The following ARHGAP15 variants were observed in gnomAD, a reference collection of about 807,000 sequenced individuals.
The protein encoded by ARHGAP15 is Rho GTPase activating protein 15, also known as rho GTPase-activating protein 15.
Under a neutral mutation model 63.7 loss-of-function variants are expected in ARHGAP15, and 51 were observed. The ratio of observed to expected loss-of-function variants is 0.80; its 90% CI spans 0.64 to 1.01. The LOEUF (loss-of-function observed/expected upper bound fraction) is 1.01. Ranked by LOEUF, ARHGAP15 falls within the 50% of genes least tolerant of loss-of-function variation. ARHGAP15 has a pLI of 0.00. For missense variants in ARHGAP15, 560 were observed against 564.6 expected (o/e 0.99, Z 0.08); for synonymous variants, 191 against 193.8 (o/e 0.99, Z 0.12).
At chr2:143,258,484 T>C (rs911023509) in intron 6 of ARHGAP15, among the ~76,000 whole-genome samples, 1 of 152,146 alleles carries the variant, frequency 6.6e-6, no homozygotes, top group Non-Finnish European at 1.5e-5. Context: ...ATGGCATCTA[T>C]GCATAGAGTC....
intron 6 of ARHGAP15, among the ~76,000 whole-genome samples, chr2:143,373,117 T>G (rs1686635737): frequency 6.6e-6 from 1 of 152,206 alleles, no homozygotes; most frequent in African/African-American, 2.4e-5. Context: ...CCTTTTATAT[T>G]GGACAACTTT....
chr2:143,715,052 G>C (rs1226951587), intron 13 of ARHGAP15, among the ~76,000 whole-genome samples: 1 of 152,026 alleles, frequency 6.6e-6, no homozygotes. Context: ...CCATTTTCAA[G>C]CTGCTGATAA....
intron 1 of ARHGAP15, among the ~76,000 whole-genome samples, chr2:143,153,734 T>C (rs1484239176): frequency 2.6e-5 from 4 of 151,910 alleles, no homozygotes; most frequent in Non-Finnish European, 5.9e-5. Context: ...CATACCTTAG[T>C]TGGCATTTTT....
At chr2:143,389,765 G>T (rs528947276) in intron 6 of ARHGAP15, among the ~76,000 whole-genome samples, 1 of 152,220 alleles carries the variant, frequency 6.6e-6, no homozygotes, top group South Asian at 2.1e-4. Context: ...GTCAGTAGTT[G>T]ATATTTTTTT....
At chr2:143,595,683 A>G (rs1370607119) in intron 11 of ARHGAP15, among the ~76,000 whole-genome samples, 3 of 152,088 alleles carry the variant, frequency 2.0e-5, no homozygotes, top group Non-Finnish European at 2.9e-5. Flanking sequence ...CCTGCATGAG[A>G]TTGTGATGGA....
chr2:143,597,371 C>G (rs1005027319), intron 11 of ARHGAP15, among the ~76,000 whole-genome samples: 3 of 152,034 alleles, frequency 2.0e-5, no homozygotes, highest in African/African-American at 7.2e-5. Context: ...AATACAAATG[C>G]AACTGAATGT....
chr2:143,293,883 T>A (rs938563430), intron 6 of ARHGAP15, among the ~76,000 whole-genome samples: 7 of 152,042 alleles, frequency 4.6e-5, no homozygotes, highest in African/African-American at 1.7e-4. Context: ...TTTTTGCCTA[T>A]TCAGTTTGAA....
chr2:143,228,057 A>G (rs1693288036), intron 4 of ARHGAP15: 2 of 152,162 alleles, frequency 1.3e-5, no homozygotes, highest in African/African-American at 2.4e-5. Context: ...ATGTACAAAG[A>G]GGGAAAAAGC....
chr2:143,512,503 A>G (rs1215479190), intron 9 of ARHGAP15, among the ~76,000 whole-genome samples: 1 of 152,246 alleles, frequency 6.6e-6, no homozygotes, highest in African/African-American at 2.4e-5. Flanking sequence ...ACCAATTGAT[A>G]TCTACCATAC....
chr2:143,431,161 A>G (rs979943351), intron 6 of ARHGAP15, among the ~76,000 whole-genome samples: 6 of 152,058 alleles, frequency 3.9e-5, no homozygotes, highest in African/African-American at 1.4e-4. Context: ...AACTTTGTCT[A>G]AAGTTGCTAT....
intron 9 of ARHGAP15, among the ~76,000 whole-genome samples, chr2:143,487,862 C>A (rs1220685626): frequency 6.6e-6 from 1 of 152,088 alleles, no homozygotes; most frequent in African/African-American, 2.4e-5. Context: ...ACTTACCAAC[C>A]CAGCCCTTTT....
chr2:143,616,248 A>G (rs1312404990), intron 11 of ARHGAP15, among the ~76,000 whole-genome samples: 1 of 151,966 alleles, frequency 6.6e-6, no homozygotes, highest in Non-Finnish European at 1.5e-5. Context: ...AAGCAATGAC[A>G]CATGTGTTAT....
intron 3 of ARHGAP15, among the ~76,000 whole-genome samples, chr2:143,213,880 T>C (rs1692647685): frequency 6.6e-6 from 1 of 152,232 alleles, no homozygotes; most frequent in Non-Finnish European, 1.5e-5. Context: ...GTCACATTTA[T>C]TGAGTCTTAA....
At chr2:143,615,034 C>G (rs546474325) in intron 11 of ARHGAP15, among the ~76,000 whole-genome samples, 4 of 152,298 alleles carry the variant, frequency 2.6e-5, no homozygotes, top group Middle Eastern at 6.8e-3. Context: ...ATACATCTCC[C>G]AACTCTTATT....
At chr2:143,339,577 A>C (rs1199511240) in intron 6 of ARHGAP15, among the ~76,000 whole-genome samples, 2 of 152,014 alleles carry the variant, frequency 1.3e-5, no homozygotes, top group African/African-American at 4.8e-5. Flanking sequence ...GTCTGGAATT[A>C]CTCTATTGGC....
intron 10 of ARHGAP15, among the ~76,000 whole-genome samples, chr2:143,544,297 A>G (rs556128914): frequency 6.6e-6 from 1 of 152,340 alleles, no homozygotes; most frequent in South Asian, 2.1e-4. Context: ...GATACAAAAT[A>G]CAGCATTCAA....
At chr2:143,743,066 G>T (rs544399890) in intron 13 of ARHGAP15, among the ~76,000 whole-genome samples, 1 of 152,136 alleles carries the variant, frequency 6.6e-6, no homozygotes, top group African/African-American at 2.4e-5. Flanking sequence ...TAAAGAGAGC[G>T]GCGACTGAGG....
At chr2:143,532,784 T>C (rs1694575728) in intron 10 of ARHGAP15, among the ~76,000 whole-genome samples, 1 of 152,196 alleles carries the variant, frequency 6.6e-6, no homozygotes, top group South Asian at 2.1e-4. Context: ...TAAAAAGATA[T>C]TGTGTAGATA....
At chr2:143,740,932 GAAAA>G (rs1274551682) in intron 13 of ARHGAP15, among the ~76,000 whole-genome samples, 1 of 151,310 alleles carries the variant, frequency 6.6e-6, no homozygotes, top group Non-Finnish European at 1.5e-5. Context: ...GAAAAAAAAA[GAAAA>G]AGAAAGGCGA....
Sources: allele counts gnomAD v4.1 joint callset (sites outside exome capture counted in the v4.1 genomes callset), GRCh38; gene constraint gnomAD v4.1.1; transcripts MANE v1.5; gene names NCBI Gene and HGNC (gene_info 2026-07-23, HGNC 2026-07-21).